POT1: variants seen among roughly 807,000 people sequenced by gnomAD.
The protein encoded by POT1 is protection of telomeres 1, also known as protection of telomeres protein 1.
A neutral mutation model predicts 78.5 loss-of-function variants in POT1; 47 were observed. That is an observed-to-expected ratio of 0.60 (90% CI 0.47 to 0.76). The LOEUF is 0.76. Ranked by LOEUF, POT1 falls within the 30% of genes least tolerant of loss-of-function variation. The pLI is 0.00. For missense variants in POT1, 646 were observed against 749.9 expected, an observed-to-expected ratio of 0.86 and a Z score of 1.62; for synonymous variants, 259 against 260.7, an observed-to-expected ratio of 0.99 and a Z score of 0.06.
At chr7:124,918,956 T>C (rs1232091824) in intron 2 of POT1, among the ~76,000 whole-genome samples, 1 of 152,128 alleles carries the variant, frequency 6.6e-6, no homozygotes, top group East Asian at 1.9e-4. Flanking sequence ...CAGGGAGTTA[T>C]TGCTGAGAAT....
chr7:124,882,924 GGGAGA>G (rs1796152220), intron 6 of POT1, among the ~76,000 whole-genome samples: 1 of 152,058 alleles, frequency 6.6e-6, no homozygotes, highest in Non-Finnish European at 1.5e-5. Flanking sequence ...TGAAGTGATA[GGGAGA>G]GGAAAGTGTC....
In POT1 at chr7:124,896,344, A is replaced by T. The variant is rs542146941; in HGVS notation, c.9+821T>A. On this transcript the variant is annotated intron_variant, in intron 5 of 18. Coordinates refer to ENST00000357628, the MANE Select transcript of POT1 (RefSeq NM_015450.3). ...GTTCGCAGATATATCAAATATTTTA[A>T]ATTAAACAATTTATAACAATTTTGG... 9.9e-5 allele frequency among the ~76,000 whole-genome samples: 15 copies of T among 151,838 alleles called. No individual in the cohort carries two copies. In the South Asian group the frequency reaches 1.4e-3, roughly 15 times the overall value.
chr7:124,829,025 A>G, intron 16 of POT1: 1 of 724,888 alleles, frequency 1.4e-6, no homozygotes, highest in Admixed American at 1.7e-5. Context: ...GGAAAAACAA[A>G]ATAGTAAGGC....
chr7:124,899,329 T>G (rs1341641065), intron 3 of POT1, among the ~76,000 whole-genome samples: 1 of 152,178 alleles, frequency 6.6e-6, no homozygotes, highest in African/African-American at 2.4e-5. Flanking sequence ...AAAAATCTCT[T>G]GCCCTAACCA....
intron 3 of POT1, among the ~76,000 whole-genome samples, chr7:124,914,750 G>C (rs2116695439): frequency 6.6e-6 from 1 of 152,236 alleles, no homozygotes; most frequent in East Asian, 1.9e-4. Flanking sequence ...CAATGGTAGG[G>C]AGAATACACA....
intron 12 of POT1, among the ~76,000 whole-genome samples, chr7:124,844,869 C>A (rs1252738231): frequency 6.6e-6 from 1 of 151,470 alleles, no homozygotes; most frequent in Non-Finnish European, 1.5e-5. Context: ...AAAATGCTTT[C>A]AAACTTAAGG....
At chr7:124,911,152 TA>T (rs1190551046) in intron 3 of POT1, among the ~76,000 whole-genome samples, 5 of 152,132 alleles carry the variant, frequency 3.3e-5, no homozygotes, top group African/African-American at 1.2e-4. Flanking sequence ...TTAATAATTT[TA>T]ACTAAGCTGA....
chr7:124,924,255 A>G (rs1797221450), intron 2 of POT1, among the ~76,000 whole-genome samples: 1 of 151,720 alleles, frequency 6.6e-6, no homozygotes. Context: ...CAAGAAAAGG[A>G]GAGAAAAGAT....
intron 15 of POT1, among the ~76,000 whole-genome samples, chr7:124,831,366 A>G (rs986363506): frequency 6.6e-6 from 1 of 152,206 alleles, no homozygotes; most frequent in African/African-American, 2.4e-5. Flanking sequence ...ATTTTTGTTA[A>G]GGACTCACAG....
chr7:124,864,240 G>A (rs895592227), intron 7 of POT1, among the ~76,000 whole-genome samples: 14 of 151,974 alleles, frequency 9.2e-5, no homozygotes, highest in Admixed American at 2.6e-4. Flanking sequence ...TAGTAATATC[G>A]TTACTTCATT....
At chr7:124,900,824 T>C (rs1367294279) in intron 3 of POT1, 1 of 396,220 alleles carries the variant, frequency 2.5e-6, no homozygotes, top group Non-Finnish European at 5.2e-6. Flanking sequence ...CCAACGGTCT[T>C]AGCAAACTGC....
At chr7:124,868,456 A>C (rs947234406) in intron 7 of POT1, among the ~76,000 whole-genome samples, 1 of 152,140 alleles carries the variant, frequency 6.6e-6, no homozygotes, top group Non-Finnish European at 1.5e-5. Flanking sequence ...GAAACAGGCA[A>C]ATCCTCTATC....
chr7:124,874,309 A>G (rs1214391207), intron 6 of POT1, among the ~76,000 whole-genome samples: 1 of 152,188 alleles, frequency 6.6e-6, no homozygotes, highest in African/African-American at 2.4e-5. Flanking sequence ...ACTATTAGTC[A>G]CTATCAAGTT....
intron 7 of POT1, among the ~76,000 whole-genome samples, chr7:124,865,144 G>A (rs1191436228): frequency 6.6e-6 from 1 of 151,902 alleles, no homozygotes; most frequent in East Asian, 1.9e-4. Context: ...TGTTCTCTGG[G>A]TGTCACTGTC....
At chr7:124,925,056 G>C (rs536904922) in intron 2 of POT1, among the ~76,000 whole-genome samples, 4 of 152,110 alleles carry the variant, frequency 2.6e-5, no homozygotes, top group African/African-American at 9.6e-5. Context: ...ATTGGAACAA[G>C]ATAAGGATAC....
chr7:124,829,673 C>G (rs1794713321), intron 15 of POT1, among the ~76,000 whole-genome samples: 1 of 151,664 alleles, frequency 6.6e-6, no homozygotes, highest in South Asian at 2.1e-4. Flanking sequence ...AGAAAATGAT[C>G]ATCTCTAAGA....
chr7:124,839,267 A>G (rs1053252407), intron 14 of POT1, among the ~76,000 whole-genome samples: 1 of 152,202 alleles, frequency 6.6e-6, no homozygotes, highest in African/African-American at 2.4e-5. Context: ...CAGATCTTAG[A>G]GCTTTTACAG....
intron 6 of POT1, among the ~76,000 whole-genome samples, chr7:124,878,605 C>T (rs1021503438): frequency 6.6e-6 from 1 of 151,922 alleles, no homozygotes; most frequent in Non-Finnish European, 1.5e-5. Flanking sequence ...TATTTGTTTG[C>T]CAATTTAAAA....
In POT1 at chr7:124,858,975, A is replaced by G. The variant is rs778643955; in HGVS notation, c.684T>C (p.His228=). ...IDILVYDNHV[H]VARSLKVGSF... ...ACATCACCTTCAGAGATCTTGCCAC[A>G]TGAACATGGTTATCGTAGACTAAAA... Residue 228 remains histidine (H), a synonymous_variant, in exon 9 of 19, where the codon CAT becomes CAC. Transcript: ENST00000357628. 1.5e-5 allele frequency: 24 copies of G among 1,608,292 alleles called. No individual in the cohort carries two copies. Among genetic ancestry groups the G allele is most frequent in the Non-Finnish European group, 2.0e-5 (24 of 1,176,450 alleles).
Sources: allele counts gnomAD v4.1 joint callset (sites outside exome capture counted in the v4.1 genomes callset), GRCh38; gene constraint gnomAD v4.1.1; transcripts MANE v1.5; gene names NCBI Gene and HGNC (gene_info 2026-07-23, HGNC 2026-07-21).